KPNB1: variants seen among roughly 807,000 people sequenced by gnomAD.
KPNB1 encodes importin subunit beta-1.
Under a neutral mutation model 113.0 loss-of-function variants are expected in KPNB1, and 7 were observed. That is an observed-to-expected ratio of 0.06 (90% CI 0.04 to 0.12). The LOEUF is 0.12. Ranked by LOEUF, KPNB1 falls within the 10% of genes least tolerant of loss-of-function variation. The pLI, the probability that KPNB1 is intolerant of heterozygous loss-of-function variation, is 1.00. For synonymous variants in KPNB1, 363 were observed against 378.6 expected, an observed-to-expected ratio of 0.96 and a Z score of 0.48; for missense variants, 400 against 1,054.8, an observed-to-expected ratio of 0.38 and a Z score of 8.60.
intron 15 of KPNB1, among the ~76,000 whole-genome samples, chr17:47,675,832 C>T (rs1028424951): frequency 6.6e-6 from 1 of 152,152 alleles, no homozygotes. Context: ...GAGGACCACT[C>T]TCCTGAGGAC....
At chr17:47,675,361 G>GTTGTTTTTTTTTTTTTTTTTTTTTTT (rs1567894260) in intron 15 of KPNB1, among the ~76,000 whole-genome samples, 3 of 88,692 alleles carry the variant, frequency 3.4e-5, no homozygotes, top group Non-Finnish European at 6.9e-5. Context: ...CAGAGGTGTT[G>GTTGTTTTTTTTTTTTTTTTTTTTTTT]TTTTTTTTTT....
At chr17:47,661,236 C>T in intron 6 of KPNB1, 58 bp downstream of exon 6, 1 of 1,259,836 alleles carries the variant, frequency 7.9e-7, no homozygotes, top group Non-Finnish European at 1.2e-6. Context: ...AATGTCAAAT[C>T]TAATATAAGT....
chr17:47,665,540 T>C (rs1181884543), intron 9 of KPNB1, among the ~76,000 whole-genome samples: 2 of 152,210 alleles, frequency 1.3e-5, no homozygotes, highest in East Asian at 3.8e-4. Flanking sequence ...TTTCGTGAGT[T>C]CACAGGGTGT....
At chr17:47,662,984 T>C (rs963628666) in intron 6 of KPNB1, 105 bp from the exon 7 acceptor site, 2 of 752,920 alleles carry the variant, frequency 2.7e-6, no homozygotes, top group Non-Finnish European at 4.9e-6. Context: ...GTATCCCATA[T>C]TTACCTCAAT....
At chr17:47,653,382 C>T (rs1274349785) in intron 3 of KPNB1, among the ~76,000 whole-genome samples, 1 of 144,448 alleles carries the variant, frequency 6.9e-6, no homozygotes, top group Non-Finnish European at 1.5e-5. Flanking sequence ...GCTGGGATTA[C>T]AGGCACCCAC....
At position 47,670,017 on chromosome 17, in the gene KPNB1, T is replaced by A. The variant is rs569935006; in HGVS notation, c.1416+148T>A. On this transcript the variant is annotated intron_variant, in intron 11 of 21. Transcript: ENST00000290158. ...TATTCAATTAAAATGTGGGGGAGAT[T>A]CCAACTGCAAGAGCCAGTGGGAACA... is the stretch of plus-strand genomic sequence containing the variant. 1.2e-4 allele frequency: 75 copies of A among 637,702 alleles called. 1 individual carries two copies. The South Asian group carries it at 1.5e-3, about 13-fold the overall frequency. The allele number at this position is 637,702 out of a possible 1,614,324, so 39.5% of individuals were successfully genotyped here. A position where few individuals can be genotyped will look rare whatever the true frequency, so the allele number is the denominator to read the frequency against.
chr17:47,662,558 A>C (rs538709794), intron 6 of KPNB1, among the ~76,000 whole-genome samples: 1 of 151,378 alleles, frequency 6.6e-6, no homozygotes, highest in South Asian at 2.1e-4. Flanking sequence ...CCAGGGCGAC[A>C]GAGCAAGAAG....
Position 47,658,573 on chromosome 17 carries a change from A to G in KPNB1, c.549A>G (p.Lys183=), listed in dbSNP as rs748694017. The G allele has an allele frequency of 6.2e-7, 1 of 1,614,004 alleles. No homozygotes were observed. Among genetic ancestry groups the G allele is most frequent in the South Asian group, 1.1e-5 (1 of 91,086 alleles). The change falls in exon 5 of 22, where the codon AAA becomes AAG. Residue 183 remains lysine, a synonymous_variant. Transcript: ENST00000290158. ...ILTAIIQGMR[K]EEPSNNVKLA... ...CTGCCATAATCCAGGGGATGAGGAA[A>G]GAAGAGCCTAGTAATAATGTGAAGC...
chr17:47,676,196 CTG>C (rs1217292136), intron 15 of KPNB1, among the ~76,000 whole-genome samples: 1 of 152,160 alleles, frequency 6.6e-6, no homozygotes, highest in African/African-American at 2.4e-5. Flanking sequence ...GGCATTGTCT[CTG>C]TGGCGTATGA....
At chr17:47,653,962 A>AT (rs1242618232) in intron 3 of KPNB1, among the ~76,000 whole-genome samples, 2 of 152,198 alleles carry the variant, frequency 1.3e-5, no homozygotes, top group East Asian at 3.8e-4. Context: ...ACATAAATGG[A>AT]AGTATATTCT....
intron 2 of KPNB1, 120 bp downstream of exon 2, chr17:47,650,564 C>A: frequency 1.4e-6 from 1 of 695,792 alleles, no homozygotes; most frequent in South Asian, 1.8e-5. Flanking sequence ...GTCCCCCTCC[C>A]CCCTCCCCCT....
chr17:47,665,198 C>A lies in KPNB1; in HGVS notation c.999+40C>A, dbSNP rs1040889806. ...AAATATAGGTAGGTAAGCTGTGGAA[C>A]CTTACTAAGAGTAAACTGTGGAAAC... is the stretch of plus-strand genomic sequence containing the variant. On this transcript the variant is annotated intron_variant, in intron 9 of 21. Coordinates refer to ENST00000290158, the MANE Select transcript of KPNB1 (RefSeq NM_002265.6). 3 of 1,480,478 alleles carry A rather than the reference C, an allele frequency of 2.0e-6. No homozygotes were observed. In the South Asian group the frequency reaches 3.4e-5, roughly 17 times the overall value. 91.7% of individuals were successfully genotyped at this position (1,480,478 alleles called of 1,614,324 possible). A position where few individuals can be genotyped will look rare whatever the true frequency, so the allele number is the denominator to read the frequency against.
In KPNB1 at chr17:47,683,119, A is replaced by AAC. The variant is rs1567897235; in HGVS notation, c.*715_*716insAC. 13 of 133,718 alleles carry AAC rather than the reference A, an allele frequency of 9.7e-5. No individual in the cohort carries two copies. Among genetic ancestry groups the AAC allele is most frequent in the East Asian group, 2.1e-4 (1 of 4,674 alleles). The allele number at this position is 133,718 out of a possible 1,614,324, so 8.3% of individuals were successfully genotyped here. A position where few individuals can be genotyped will look rare whatever the true frequency, so the allele number is the denominator to read the frequency against. On this transcript the variant is annotated 3_prime_UTR_variant, in exon 22 of 22. Coordinates refer to ENST00000290158, the MANE Select transcript of KPNB1 (RefSeq NM_002265.6). ...AAAAAAAAAAAAAAAAAAAAAAAAA[A>AAC]CACACACACAGAGGAAAGACGCTCT...
intron 9 of KPNB1, 71 bp downstream of exon 9, chr17:47,665,229 A>G (rs888037355): frequency 1.6e-6 from 2 of 1,242,094 alleles, no homozygotes; most frequent in East Asian, 2.3e-5. Context: ...GAAACTTTCC[A>G]TGGAAGGAAC....
chr17:47,670,354 A>G (rs995518386), intron 11 of KPNB1: 2 of 225,864 alleles, frequency 8.9e-6, no homozygotes, highest in South Asian at 7.4e-5. Context: ...GTATGGTTGA[A>G]AGTACTCTGC....
chr17:47,654,130 A>G (rs1324507724), intron 3 of KPNB1, among the ~76,000 whole-genome samples: 1 of 152,184 alleles, frequency 6.6e-6, no homozygotes, highest in Non-Finnish European at 1.5e-5. Context: ...ATTAGACAAT[A>G]ATGGCTGGGC....
intron 10 of KPNB1, among the ~76,000 whole-genome samples, chr17:47,669,268 A>T (rs1261539649): frequency 6.6e-6 from 1 of 151,964 alleles, no homozygotes; most frequent in Non-Finnish European, 1.5e-5. Flanking sequence ...ATGCCCAGCT[A>T]ATTTTTGTAT....
At position 47,650,089 on chromosome 17, in the gene KPNB1, C is replaced by T. The variant is rs1915483168; in HGVS notation, c.-156C>T. Reference sequence around the variant, plus strand: ...AGAGGAAGGGGAGCCGGACCGACTACCCAGACAGAGCCGGTGAATGGGTTT... The same window carrying T: ...AGAGGAAGGGGAGCCGGACCGACTATCCAGACAGAGCCGGTGAATGGGTTT... On this transcript the variant is annotated 5_prime_UTR_variant, in exon 1 of 22. Coordinates refer to ENST00000290158, the MANE Select transcript of KPNB1 (RefSeq NM_002265.6). 7 of 1,402,274 alleles carry T rather than the reference C, an allele frequency of 5.0e-6. No homozygotes were observed. Among genetic ancestry groups the T allele is most frequent in the South Asian group, 1.6e-5 (1 of 62,750 alleles). 86.9% of individuals were successfully genotyped at this position (1,402,274 alleles called of 1,614,324 possible).
chr17:47,676,615 A>G (rs1015731147), intron 16 of KPNB1, 124 bp downstream of exon 16: 1 of 691,068 alleles, frequency 1.4e-6, no homozygotes. Flanking sequence ...AAGGCAAGCT[A>G]CTTTATTCAT....
Sources: gnomAD v4.1 joint callset for allele counts (sites outside exome capture counted in the v4.1 genomes callset) on GRCh38, gnomAD v4.1.1 for gene constraint, MANE v1.5 for transcripts, NCBI Gene and HGNC (gene_info 2026-07-23, HGNC 2026-07-21) for gene names.